The following DCLK2 variants were observed in gnomAD, a reference collection of about 807,000 sequenced individuals.
The protein encoded by DCLK2 is serine/threonine-protein kinase DCLK2.
DCLK2 carries 31 observed loss-of-function variants against 78.4 expected under a neutral mutation model. That is an observed-to-expected ratio of 0.40 (90% CI 0.30 to 0.53). The LOEUF (loss-of-function observed/expected upper bound fraction) is 0.53. Ranked by LOEUF, DCLK2 falls within the 20% of genes least tolerant of loss-of-function variation. The pLI is 0.61. For synonymous variants in DCLK2, 407 were observed against 374.9 expected (o/e 1.09, Z -0.99); for missense variants, 872 against 973.7 (o/e 0.90, Z 1.39).
chr4:150,146,542 AG>A (rs1405370119), intron 2 of DCLK2, among the ~76,000 whole-genome samples: 1 of 152,194 alleles, frequency 6.6e-6, no homozygotes, highest in Non-Finnish European at 1.5e-5. Context: ...AGAGCAGTTG[AG>A]AGCTTGGTTG....
chr4:150,179,698 C>T (rs1263067135), intron 2 of DCLK2, among the ~76,000 whole-genome samples: 1 of 152,090 alleles, frequency 6.6e-6, no homozygotes, highest in Non-Finnish European at 1.5e-5. Flanking sequence ...CATATTTATA[C>T]CCTTAGAATT....
rs1730029171 is a variant in DCLK2, at chr4:150,091,109, C to CTTTTTCTTACTCTGTAT, written c.422-11359_422-11343dup. 1.3e-5 allele frequency among the ~76,000 whole-genome samples: 2 copies of CTTTTTCTTACTCTGTAT among 152,264 alleles called. 1 individual carries two copies. Among genetic ancestry groups the CTTTTTCTTACTCTGTAT allele is most frequent in the South Asian group, 4.2e-4 (2 of 4,818 alleles). Reference sequence around the variant, plus strand: ...ATGACGGAATAATAAATCAGTCTTACTTTTTCTTACTCTGTATTTTTTCTT... The same window carrying CTTTTTCTTACTCTGTAT: ...ATGACGGAATAATAAATCAGTCTTACTTTTTCTTACTCTGTATTTTTTCTTACTCTGTATTTTTTCTT... On this transcript the variant is annotated intron_variant, in intron 1 of 15. Coordinates refer to ENST00000296550, the MANE Select transcript of DCLK2 (RefSeq NM_001040260.4).
At chr4:150,246,562 T>G (rs976362726) in intron 12 of DCLK2, among the ~76,000 whole-genome samples, 3 of 152,188 alleles carry the variant, frequency 2.0e-5, no homozygotes, top group African/African-American at 7.2e-5. Flanking sequence ...TAACTTGCAC[T>G]CCTGGATTTT....
At chr4:150,186,857 C>A (rs1737978398) in intron 2 of DCLK2, among the ~76,000 whole-genome samples, 1 of 151,708 alleles carries the variant, frequency 6.6e-6, no homozygotes. Context: ...CGTGCCACTG[C>A]ACTCCAGCCT....
intron 2 of DCLK2, among the ~76,000 whole-genome samples, chr4:150,183,737 C>CT (rs376479148): frequency 0.044 from 6,328 of 143,010 alleles, 386 homozygotes; most frequent in African/African-American, 0.14. Context: ...TTTTCTTTTT[C>CT]TTTTTTTTTT....
chr4:150,116,450 T>G (rs1279018448), intron 2 of DCLK2, among the ~76,000 whole-genome samples: 3 of 152,206 alleles, frequency 2.0e-5, no homozygotes, highest in Non-Finnish European at 4.4e-5. Flanking sequence ...TGTGTTTGGA[T>G]TCTTTTGTCC....
Position 150,247,639 on chromosome 4 carries a change from C to A in DCLK2, c.1815C>A (p.Ile605=). The A allele has an allele frequency of 1.2e-6, 2 of 1,614,064 alleles. No homozygotes were observed. Among genetic ancestry groups the A allele is most frequent in the South Asian group, 2.2e-5 (2 of 91,080 alleles). ...NNLQEDLFDQ[I]LAGKLEFPAP... ...TCCAGGAAGATCTCTTCGACCAGATCTTGGCTGGGAAGCTGGAGTTTCCGG... is the reference window on the plus strand; with the variant it reads ...TCCAGGAAGATCTCTTCGACCAGATATTGGCTGGGAAGCTGGAGTTTCCGG... Residue 605 remains isoleucine (I), a synonymous_variant, in exon 13 of 16, where the codon ATC becomes ATA. Transcript: ENST00000296550.
intron 1 of DCLK2, among the ~76,000 whole-genome samples, chr4:150,090,887 G>T (rs1257275139): frequency 1.3e-5 from 2 of 152,062 alleles, no homozygotes; most frequent in Non-Finnish European, 2.9e-5. Flanking sequence ...CTTATTTTGT[G>T]TCCCCAGCCC....
intron 2 of DCLK2, among the ~76,000 whole-genome samples, chr4:150,168,170 C>T (rs1268987677): frequency 6.6e-6 from 1 of 152,062 alleles, no homozygotes; most frequent in East Asian, 1.9e-4. Flanking sequence ...AGTGAAACCC[C>T]GTCTCTACTA....
At chr4:150,198,917 C>CG (rs1553967944) in intron 4 of DCLK2, 2 of 592,298 alleles carry the variant, frequency 3.4e-6, no homozygotes, top group Non-Finnish European at 5.8e-6. Flanking sequence ...AGCACCCCCC[C>CG]CCCCACTTTC....
At chr4:150,231,192 G>A (rs116865686) in intron 8 of DCLK2, among the ~76,000 whole-genome samples, 1 of 152,312 alleles carries the variant, frequency 6.6e-6, no homozygotes, top group East Asian at 1.9e-4. Flanking sequence ...CTGTTTCCAA[G>A]GATAAAGTGT....
chr4:150,182,688 G>T (rs1487659343), intron 2 of DCLK2, among the ~76,000 whole-genome samples: 2 of 152,028 alleles, frequency 1.3e-5, no homozygotes, highest in African/African-American at 4.8e-5. Flanking sequence ...ATGAAATGCA[G>T]CTCCCTTTTG....
intron 5 of DCLK2, among the ~76,000 whole-genome samples, chr4:150,207,881 T>A (rs908060049): frequency 1.2e-4 from 18 of 152,076 alleles, no homozygotes; most frequent in Admixed American, 7.9e-4. Flanking sequence ...GCAATTGGTA[T>A]AGAGACCACT....
At chr4:150,114,944 C>G (rs886700427) in intron 2 of DCLK2, among the ~76,000 whole-genome samples, 1 of 152,162 alleles carries the variant, frequency 6.6e-6, no homozygotes, top group Admixed American at 6.5e-5. Context: ...TCTAGCAAGG[C>G]CAGGGAAGTT....
chr4:150,085,720 G>A (rs925548132), intron 1 of DCLK2, among the ~76,000 whole-genome samples: 2 of 152,172 alleles, frequency 1.3e-5, no homozygotes, highest in African/African-American at 4.8e-5. Context: ...ATGTGAGGAT[G>A]CAGTGAGAAG....
chr4:150,202,064 A>G (rs1445626208), intron 4 of DCLK2, among the ~76,000 whole-genome samples: 1 of 152,148 alleles, frequency 6.6e-6, no homozygotes, highest in Admixed American at 6.6e-5. Flanking sequence ...GCCTGCACCT[A>G]AGGTCCATAC....
intron 12 of DCLK2, 36 bp downstream of exon 12, chr4:150,240,512 A>G (rs774653943): frequency 5.3e-6 from 8 of 1,523,010 alleles, no homozygotes; most frequent in African/African-American, 1.4e-5. Flanking sequence ...TTGAATTGCA[A>G]ATGTTCTCCC....
chr4:150,219,330 A>G lies in DCLK2; in HGVS notation c.1057-1373A>G, dbSNP rs1187054898. On this transcript the variant is annotated intron_variant, in intron 5 of 15. Transcript: ENST00000296550. ...GTTGCCTATGCTGGAGCACAGTGGT[A>G]CGATCTCAGCTCACTGCAACCTCCA... Among the ~76,000 whole-genome samples, 5 of 131,790 alleles carry G rather than the reference A, an allele frequency of 3.8e-5. No individual in the cohort carries two copies. In the East Asian group the frequency reaches 8.7e-4, roughly 23 times the overall value. The allele number at this position is 131,790 out of a possible 152,430, so 86.5% of individuals were successfully genotyped here.
intron 12 of DCLK2, among the ~76,000 whole-genome samples, chr4:150,246,687 C>T (rs565254534): frequency 6.6e-6 from 1 of 152,186 alleles, no homozygotes; most frequent in East Asian, 1.9e-4. Context: ...AGTGAGGGGG[C>T]TGTGGAGGTG....
Sources: allele counts gnomAD v4.1 joint callset (sites outside exome capture counted in the v4.1 genomes callset), GRCh38; gene constraint gnomAD v4.1.1; transcripts MANE v1.5; gene names NCBI Gene and HGNC (gene_info 2026-07-23, HGNC 2026-07-21).